TBC1D16: variants seen among roughly 807,000 people sequenced by gnomAD.
TBC1D16 encodes TBC1 domain family member 16, also known as CTD-2529O21.1.
In TBC1D16, 58 loss-of-function variants were observed where a neutral mutation model predicts 74.7. The observed-to-expected ratio is 0.78, with a 90% CI of 0.63 to 0.97. The LOEUF is 0.97. Among genes scored for constraint, TBC1D16 ranks in the 50% least tolerant of loss-of-function variants. The pLI is 0.00. For missense variants in TBC1D16, 1,014 were observed against 1,079.5 expected, an observed-to-expected ratio of 0.94 and a Z score of 0.85; for synonymous variants, 493 against 474.7, an observed-to-expected ratio of 1.04 and a Z score of -0.50.
At chr17:80,024,429 T>TACCACACACAAC (rs2036424845) in intron 1 of TBC1D16, among the ~76,000 whole-genome samples, 2 of 110,634 alleles carry the variant, frequency 1.8e-5, no homozygotes, top group African/African-American at 6.9e-5. Context: ...ACACACACAC[T>TACCACACACAAC]ACACATCATA....
rs1197692814 is a variant in TBC1D16, at chr17:79,950,483, C to G, written c.1185G>C (p.Arg395Ser). 6.2e-7 allele frequency: 1 copy of G among 1,613,222 alleles called. No individual in the cohort carries two copies. Among genetic ancestry groups the G allele is most frequent in the Admixed American group, 1.7e-5 (1 of 59,958 alleles). The change falls in exon 6 of 12, where the codon AGG becomes AGC. Residue 395 changes from arginine to serine, a missense_variant. Arg to Ser is a moderately radical substitution (Grantham distance 110). Transcript: ENST00000310924. This position sits in a 1 kb window ranked among gnomAD's most constrained non-coding sequence, Gnocchi z 4.6. Reference protein sequence around the residue: ...ETHPEESMYKRLGVSAWLNHL... With the variant: ...ETHPEESMYKSLGVSAWLNHL... ...GGTTGAGCCAGGCGGAGACGCCGAG[C>G]CTCTTGTACATGCTCTCCTCGGGGT... is the stretch of plus-strand genomic sequence containing the variant.
intron 1 of TBC1D16, among the ~76,000 whole-genome samples, chr17:80,014,946 A>G (rs2036033693): frequency 6.6e-6 from 1 of 152,184 alleles, no homozygotes; most frequent in Non-Finnish European, 1.5e-5. Context: ...TGTGACCTGA[A>G]ACATGTGATG....
At chr17:80,003,807 T>G (rs1339434389) in intron 3 of TBC1D16, among the ~76,000 whole-genome samples, 7 of 152,142 alleles carry the variant, frequency 4.6e-5, no homozygotes, top group Admixed American at 4.6e-4. Context: ...CCCAGCACTT[T>G]GGGAGGTCCA....
rs1200928065 is a variant in TBC1D16, at chr17:79,950,441, G to A, written c.1227C>T (p.Gly409=). 2 of 1,612,464 alleles carry A rather than the reference G, an allele frequency of 1.2e-6. No individual in the cohort carries two copies. Among genetic ancestry groups the A allele is most frequent in the Non-Finnish European group, 1.7e-6 (2 of 1,179,786 alleles). The change falls in exon 6 of 12, where the codon GGC becomes GGT. Residue 409 remains glycine, a synonymous_variant. Transcript: ENST00000310924. The surrounding 1 kb of genome is among the most constrained non-coding windows in gnomAD (Gnocchi z 4.6). ...GCAGCTTGTACTCCTCCTCCACCTGGCCCAGCTCATTCAGGTGGTTGAGCC... is the reference window on the plus strand; with the variant it reads ...GCAGCTTGTACTCCTCCTCCACCTGACCCAGCTCATTCAGGTGGTTGAGCC... The part of the protein sequence containing the change: ...SAWLNHLNEL[G]QVEEEYKLRK...
intron 9 of TBC1D16, among the ~76,000 whole-genome samples, chr17:79,946,037 CCT>C (rs1176961662): frequency 6.6e-6 from 1 of 152,232 alleles, no homozygotes; most frequent in Non-Finnish European, 1.5e-5. Flanking sequence ...ACTCCCGCCC[CCT>C]GTGCAGGTGC....
chr17:79,957,618 G>A (rs2033394972), intron 3 of TBC1D16, among the ~76,000 whole-genome samples: 1 of 152,140 alleles, frequency 6.6e-6, no homozygotes, highest in Admixed American at 6.5e-5. Context: ...GAGTGGTCAC[G>A]GTGACAGGTG....
rs78260988 is a variant in TBC1D16, at chr17:80,016,781, C to A, written c.-62-3172G>T. On this transcript the variant is annotated intron_variant, in intron 1 of 11. Coordinates refer to ENST00000310924, the MANE Select transcript of TBC1D16 (RefSeq NM_019020.4). ...GACCCCCTCCATGCTTCAGCCTCCC[C>A]CAGCCCTGTTTGTGTATTTCCAATT... Among the ~76,000 whole-genome samples the A allele has an allele frequency of 5.2e-3, 796 of 152,298 alleles. 10 individuals are homozygous for A. The highest frequency in any genetic ancestry group is 0.017 in the African/African-American group (719 of 41,556).
rs930052893 is a variant in TBC1D16, at chr17:79,971,084, G to A, written c.780-18266C>T. The stretch of plus-strand genomic sequence containing the variant: ...ATTGCCCAGGCTGGAGTGCAGTGGC[G>A]CTATCTCGGCTCACTGCAACCTCCA... On this transcript the variant is annotated intron_variant, in intron 3 of 11. Coordinates refer to ENST00000310924, the MANE Select transcript of TBC1D16 (RefSeq NM_019020.4). This position sits in a 1 kb window ranked among gnomAD's most constrained non-coding sequence, Gnocchi z 4.6. Among the ~76,000 whole-genome samples, 24 of 151,470 alleles carry A rather than the reference G, an allele frequency of 1.6e-4. No homozygotes were observed. Among genetic ancestry groups the A allele is most frequent in the African/African-American group, 3.6e-4 (15 of 41,248 alleles).
intron 1 of TBC1D16, among the ~76,000 whole-genome samples, chr17:80,019,825 T>C (rs899018047): frequency 1.3e-5 from 2 of 149,874 alleles, no homozygotes; most frequent in African/African-American, 5.1e-5. Context: ...AATTATATCA[T>C]ATCTTGCTTT....
chr17:79,991,569 A>G (rs568421739), intron 3 of TBC1D16, among the ~76,000 whole-genome samples: 53 of 152,248 alleles, frequency 3.5e-4, no homozygotes, highest in African/African-American at 1.2e-3. Context: ...AACTGCTTGC[A>G]GGCACTTGCG....
At chr17:80,028,057 G>A (rs906519138) in intron 1 of TBC1D16, among the ~76,000 whole-genome samples, 5 of 151,858 alleles carry the variant, frequency 3.3e-5, no homozygotes, top group Admixed American at 6.6e-5. Flanking sequence ...TGACACCTCC[G>A]AGACGCTCCT....
In TBC1D16 at chr17:80,027,775, C is replaced by A. The variant is rs371195501; in HGVS notation, c.-63+8020G>T. On this transcript the variant is annotated intron_variant, in intron 1 of 11. Coordinates refer to ENST00000310924, the MANE Select transcript of TBC1D16 (RefSeq NM_019020.4). ...GGCATGGTGGCAGGCGCCTGTAATCCCAGCTACTTGGGAGGCTGAGGCGGG... is the reference window on the plus strand; with the variant it reads ...GGCATGGTGGCAGGCGCCTGTAATCACAGCTACTTGGGAGGCTGAGGCGGG... Among the ~76,000 whole-genome samples, 301 of 151,716 alleles carry A rather than the reference C, an allele frequency of 2.0e-3. 12 individuals carry two copies. The South Asian group carries it at 0.061, about 31-fold the overall frequency.
Position 79,979,113 on chromosome 17 carries a change from C to T in TBC1D16, c.780-26295G>A, listed in dbSNP as rs989106422. On this transcript the variant is annotated intron_variant, in intron 3 of 11. Transcript: ENST00000310924. This position sits in a 1 kb window ranked among gnomAD's most constrained non-coding sequence, Gnocchi z 4.8. ...AACCAAAGCGCCCTCGTGGGCTCCACGCTCTCAGCCTGTCCATCAGCAGCA... is the reference window on the plus strand; with the variant it reads ...AACCAAAGCGCCCTCGTGGGCTCCATGCTCTCAGCCTGTCCATCAGCAGCA... Among the ~76,000 whole-genome samples the T allele has an allele frequency of 2.6e-5, 4 of 152,236 alleles. No homozygotes were observed. The highest frequency in any genetic ancestry group is 4.4e-5 in the Non-Finnish European group (3 of 68,044).
At chr17:79,970,022 C>T (rs538129633) in intron 3 of TBC1D16, among the ~76,000 whole-genome samples, 1 of 152,038 alleles carries the variant, frequency 6.6e-6, no homozygotes, top group South Asian at 2.1e-4. Context: ...TTCATCATAT[C>T]CAAAAAGAGA....
Position 79,949,775 on chromosome 17 carries a change from C to A in TBC1D16, c.1348G>T (p.Glu450Ter), listed in dbSNP as rs1329721551. 1.9e-6 allele frequency: 3 copies of A among 1,613,696 alleles called. No individual in the cohort carries two copies. The highest frequency in any genetic ancestry group is 2.5e-6 in the Non-Finnish European group (3 of 1,179,912). ...TTCTGCAGCCGCAGCGCCTCCCGCT[C>A]CTCCGACGTGGACTCGTGGCTGTAA... is the stretch of plus-strand genomic sequence containing the variant. ...RYYSHESTSE[E>*]REALRLQKRK... The change falls in exon 7 of 12, where the codon GAG becomes TAG. Residue 450 changes from glutamate (E) to a stop codon, truncating the protein, a stop_gained. Coordinates refer to ENST00000310924, the MANE Select transcript of TBC1D16 (RefSeq NM_019020.4). LOFTEE classifies it high-confidence loss of function.
rs148629954 is a variant in TBC1D16, at chr17:79,971,221, C to A, written c.780-18403G>T. On this transcript the variant is annotated intron_variant, in intron 3 of 11. Coordinates refer to ENST00000310924, the MANE Select transcript of TBC1D16 (RefSeq NM_019020.4). This position sits in a 1 kb window ranked among gnomAD's most constrained non-coding sequence, Gnocchi z 4.6. ...TATTTTTAGTAGAGATGGGGTTTCACCATGTTGGCCAGGCTGGTCTCAAAC... is the reference window on the plus strand; with the variant it reads ...TATTTTTAGTAGAGATGGGGTTTCAACATGTTGGCCAGGCTGGTCTCAAAC... Among the ~76,000 whole-genome samples, 865 of 152,218 alleles carry A rather than the reference C, an allele frequency of 5.7e-3. 3 individuals carry two copies. The highest frequency in any genetic ancestry group is 9.1e-3 in the Non-Finnish European group (617 of 68,010).
rs1055488342 is a variant in TBC1D16 at position 79,944,206 on chromosome 17, G to A, written c.1908+702C>T. On this transcript the variant is annotated intron_variant, in intron 10 of 11. Transcript: ENST00000310924. The surrounding 1 kb of genome is among the most constrained non-coding windows in gnomAD (Gnocchi z 7.7). ...GGGTTCTCTGACGGAGGCTGCTGGA[G>A]CTGCCGTGGTGGATAGAGCCAGCTC... 1.3e-6 allele frequency: 2 copies of A among 1,484,840 alleles called. No individual in the cohort carries two copies. The highest frequency in any genetic ancestry group is 1.4e-5 in the African/African-American group (1 of 72,166). The allele number at this position is 1,484,840 out of a possible 1,614,324, so 92.0% of individuals were successfully genotyped here. A position where few individuals can be genotyped will look rare whatever the true frequency, so the allele number is the denominator to read the frequency against.
intron 3 of TBC1D16, among the ~76,000 whole-genome samples, chr17:79,970,952 C>T (rs1213656039): frequency 6.6e-6 from 1 of 150,632 alleles, no homozygotes; most frequent in East Asian, 2.0e-4. Flanking sequence ...TTTTACGTTC[C>T]TCCCAGTGTG....
chr17:80,030,679 C>A (rs981996954), intron 1 of TBC1D16, among the ~76,000 whole-genome samples: 1 of 152,254 alleles, frequency 6.6e-6, no homozygotes, highest in African/African-American at 2.4e-5. Context: ...GTCAGCAGGA[C>A]AGACCTGGTC....
Sources: gnomAD v4.1 joint callset for allele counts (sites outside exome capture counted in the v4.1 genomes callset) on GRCh38, gnomAD v4.1.1 for gene constraint, Gnocchi (gnomAD v3.1) non-coding constraint, MANE v1.5 for transcripts, NCBI Gene and HGNC (gene_info 2026-07-23, HGNC 2026-07-21) for gene names.